TENM4: variants seen among roughly 807,000 people sequenced by gnomAD.
TENM4 encodes teneurin transmembrane protein 4.
TENM4 carries 82 observed loss-of-function variants against 243.3 expected under a neutral mutation model. The ratio of observed to expected loss-of-function variants is 0.34; its 90% confidence interval spans 0.28 to 0.40. The LOEUF is 0.40. Ranked by LOEUF, TENM4 falls within the 10% of genes least tolerant of loss-of-function variation. The pLI, the probability that TENM4 is intolerant of heterozygous loss-of-function variation, is 1.00. For synonymous variants in TENM4, 1,412 were observed against 1,456.3 expected (o/e 0.97, Z 0.69); for missense variants, 3,138 against 3,673.3 (o/e 0.85, Z 3.77).
Position 79,391,640 on chromosome 11 carries a change from G to A in TENM4, c.-321+48869C>T, listed in dbSNP as rs182599430. ...GGTGAAAAACCTGACATGAAGTAAT[G>A]TGAAGCTATTTACTGTCTTTATCTT... On this transcript the variant is annotated intron_variant, in intron 1 of 33. Coordinates refer to ENST00000278550, the MANE Select transcript of TENM4 (RefSeq NM_001098816.3). 4.6e-5 allele frequency among the ~76,000 whole-genome samples: 7 copies of A among 152,266 alleles called. No homozygotes were observed. In the East Asian group the frequency reaches 1.2e-3, roughly 25 times the overall value.
chr11:79,272,854 C>T (rs1406708310), intron 2 of TENM4, among the ~76,000 whole-genome samples: 1 of 152,184 alleles, frequency 6.6e-6, no homozygotes, highest in Non-Finnish European at 1.5e-5. Flanking sequence ...TGGACTTTAA[C>T]TCCATCTATA....
Position 78,847,848 on chromosome 11 carries a change from C to A in TENM4, c.1681+6256G>T, listed in dbSNP as rs375970319. On this transcript the variant is annotated intron_variant, in intron 12 of 33. Transcript: ENST00000278550. Reference sequence around the variant, plus strand: ...TCTTAGTGTCTTCAATGAAGTAGTGCAGGTTTTTACACAAATTATGGTATA... The same window carrying A: ...TCTTAGTGTCTTCAATGAAGTAGTGAAGGTTTTTACACAAATTATGGTATA... 5.9e-5 allele frequency among the ~76,000 whole-genome samples: 9 copies of A among 152,272 alleles called. No individual in the cohort carries two copies. In the South Asian group the frequency reaches 1.2e-3, roughly 21 times the overall value.
chr11:78,869,836 A>G (rs1039462393), intron 9 of TENM4, among the ~76,000 whole-genome samples: 7 of 152,196 alleles, frequency 4.6e-5, no homozygotes, highest in African/African-American at 1.7e-4. Flanking sequence ...TTTAAGACAA[A>G]GATTTCGCTG....
chr11:78,990,265 A>G (rs944798122), intron 6 of TENM4, among the ~76,000 whole-genome samples: 1 of 152,094 alleles, frequency 6.6e-6, no homozygotes, highest in Non-Finnish European at 1.5e-5. Flanking sequence ...GCTGAGCTGT[A>G]TTTGGAACCC....
chr11:79,091,656 A>G (rs1212041815), intron 4 of TENM4, among the ~76,000 whole-genome samples: 5 of 152,130 alleles, frequency 3.3e-5, no homozygotes, highest in Admixed American at 6.5e-5. Context: ...GACCTACTCA[A>G]TCAGAATCTG....
Position 78,653,223 on chromosome 11 carries a change from C to T in TENM4, c.*4835G>A, listed in dbSNP as rs1440900549. On this transcript the variant is annotated 3_prime_UTR_variant, in exon 34 of 34. Coordinates refer to ENST00000278550, the MANE Select transcript of TENM4 (RefSeq NM_001098816.3). ...AGGGAAGTGCAAACCCAGGATGGCT[C>T]GGGGGCTGGGACAGGCAAGAGGAAG... 2 of 152,106 alleles carry T rather than the reference C, an allele frequency of 1.3e-5. No homozygotes were observed. The highest frequency in any genetic ancestry group is 2.1e-4 in the South Asian group (1 of 4,824). 9.4% of individuals were successfully genotyped at this position (152,106 alleles called of 1,614,324 possible).
At chr11:78,741,607 AT>A (rs1354855862) in intron 19 of TENM4, among the ~76,000 whole-genome samples, 1 of 152,184 alleles carries the variant, frequency 6.6e-6, no homozygotes, top group Non-Finnish European at 1.5e-5. Context: ...ATTTTATATA[AT>A]TTAATTTTTA....
intron 19 of TENM4, among the ~76,000 whole-genome samples, chr11:78,755,641 C>T (rs1019999725): frequency 6.6e-5 from 10 of 152,148 alleles, no homozygotes; most frequent in African/African-American, 2.4e-4. Context: ...TTGCTCCCAC[C>T]CTGCTCCTGC....
chr11:79,345,491 A>G (rs1248101067), intron 1 of TENM4, among the ~76,000 whole-genome samples: 2 of 152,226 alleles, frequency 1.3e-5, no homozygotes, highest in Admixed American at 1.3e-4. Context: ...TGTAATCTCT[A>G]TAACAAGCGA....
At chr11:79,427,088 G>C (rs931517360) in intron 1 of TENM4, among the ~76,000 whole-genome samples, 18 of 151,986 alleles carry the variant, frequency 1.2e-4, no homozygotes, top group African/African-American at 4.3e-4. Context: ...ATGGTACCCT[G>C]GTGACACAAA....
At chr11:79,270,639 C>G (rs566574546) in intron 2 of TENM4, among the ~76,000 whole-genome samples, 1 of 152,264 alleles carries the variant, frequency 6.6e-6, no homozygotes, top group Middle Eastern at 3.4e-3. Context: ...GCTCTGCTTG[C>G]TGTTCACATT....
At chr11:79,405,632 C>T (rs554624803) in intron 1 of TENM4, among the ~76,000 whole-genome samples, 12 of 151,946 alleles carry the variant, frequency 7.9e-5, no homozygotes, top group African/African-American at 2.9e-4. Flanking sequence ...TCTACTATTC[C>T]CCCCACCTTC....
At chr11:79,394,825 A>G (rs1195320528) in intron 1 of TENM4, among the ~76,000 whole-genome samples, 5 of 152,182 alleles carry the variant, frequency 3.3e-5, no homozygotes, top group African/African-American at 1.2e-4. Context: ...CACCCTGTGA[A>G]GACATGAAGA....
intron 3 of TENM4, among the ~76,000 whole-genome samples, chr11:79,187,824 T>C (rs1286406188): frequency 3.9e-5 from 6 of 152,146 alleles, no homozygotes; most frequent in Non-Finnish European, 8.8e-5. Flanking sequence ...AGACAGCCAT[T>C]TGCAAGCCAA....
Position 79,064,933 on chromosome 11 carries a change from T to G in TENM4, c.298A>C (p.Ile100Leu). ...GAGTAGCCGCAGTGGGGGAGGCCAA[T>G]GTCTGTCCGGTACAGGGTCCCGTGA... ...PPHGTLYRTD[I>L]GLPHCGYSMG... Residue 100 changes from isoleucine (I) to leucine (L), a missense_variant, in exon 6 of 34, where the codon ATT becomes CTT. This residue lies in a region of TENM4 where 671 missense variants were observed against 614.1 expected (regional missense o/e 1.09). Coordinates refer to ENST00000278550, the MANE Select transcript of TENM4 (RefSeq NM_001098816.3). The G allele has an allele frequency of 6.5e-7, 1 of 1,535,148 alleles. No individual in the cohort carries two copies. The highest frequency in any genetic ancestry group is 8.8e-7 in the Non-Finnish European group (1 of 1,136,282).
chr11:79,116,174 A>T (rs975329262), intron 4 of TENM4, among the ~76,000 whole-genome samples: 4 of 152,248 alleles, frequency 2.6e-5, no homozygotes, highest in Non-Finnish European at 5.9e-5. Context: ...AAGCCACATT[A>T]TCCTCAGAAT....
chr11:78,873,768 A>G (rs1208124957), intron 9 of TENM4, among the ~76,000 whole-genome samples: 1 of 152,148 alleles, frequency 6.6e-6, no homozygotes, highest in African/African-American at 2.4e-5. Flanking sequence ...AGCATTTTAA[A>G]TGTGTGTTGA....
intron 1 of TENM4, among the ~76,000 whole-genome samples, chr11:79,416,098 T>G (rs558336144): frequency 1.3e-5 from 2 of 152,342 alleles, no homozygotes; most frequent in South Asian, 4.1e-4. Context: ...TGATTAACAT[T>G]CCATTTTATG....
rs569899852 is a variant in TENM4 at position 78,751,965 on chromosome 11, G to A, written c.2756+4840C>T. Among the ~76,000 whole-genome samples, 427 of 152,308 alleles carry A rather than the reference G, an allele frequency of 2.8e-3. 3 individuals carry two copies. The highest frequency in any genetic ancestry group is 0.017 in the Middle Eastern group (5 of 294). ...GGAGGGACAAGTATTCCACTAGGCA[G>A]ATGGGACCCGGGCATCCAGGCCAGG... On this transcript the variant is annotated intron_variant, in intron 19 of 33. Coordinates refer to ENST00000278550, the MANE Select transcript of TENM4 (RefSeq NM_001098816.3).
Sources: gnomAD v4.1 joint callset for allele counts (sites outside exome capture counted in the v4.1 genomes callset) on GRCh38, gnomAD v4.1.1 for gene constraint, gnomAD v4.1.1 regional missense constraint, MANE v1.5 for transcripts, NCBI Gene and HGNC (gene_info 2026-07-23, HGNC 2026-07-21) for gene names.